Variants in ABTB3 observed in about 807,000 individuals in gnomAD.
ABTB3 encodes the protein ankyrin repeat- and BTB/POZ domain-containing protein 3.
chr12:107,451,563 T>C, the ABTB3 span, among the ~76,000 whole-genome samples: 1 of 152,216 alleles, frequency 6.6e-6, no homozygotes, highest in Non-Finnish European at 1.5e-5. Flanking sequence ...GGTTTCCCAC[T>C]GACCTCGCGG....
chr12:107,580,213 C>T, the ABTB3 span, among the ~76,000 whole-genome samples: 9 of 152,172 alleles, frequency 5.9e-5, no homozygotes, highest in Non-Finnish European at 1.3e-4. Context: ...TTGAAAACTG[C>T]CTGTATCCAG....
At chr12:107,479,758 A>G in the ABTB3 span, among the ~76,000 whole-genome samples, 3 of 152,238 alleles carry the variant, frequency 2.0e-5, no homozygotes, top group Admixed American at 2.0e-4. Flanking sequence ...TGTGAAAAGC[A>G]CTTGACATTA....
chr12:107,388,518 CCTT>C, the ABTB3 span, among the ~76,000 whole-genome samples: 1 of 150,984 alleles, frequency 6.6e-6, no homozygotes, highest in African/African-American at 2.4e-5. Flanking sequence ...TCTTCCTCCT[CCTT>C]CTTTCCTTCC....
chr12:107,421,110 T>C, the ABTB3 span, among the ~76,000 whole-genome samples: 1 of 152,302 alleles, frequency 6.6e-6, no homozygotes, highest in African/African-American at 2.4e-5. Flanking sequence ...GCTGAGTCTA[T>C]CGAGAAAAAT....
chr12:107,390,902 G>A, the ABTB3 span, among the ~76,000 whole-genome samples: 3 of 152,174 alleles, frequency 2.0e-5, no homozygotes, highest in Non-Finnish European at 2.9e-5. Flanking sequence ...TGTAATCTCA[G>A]CACTTTGGGA....
the ABTB3 span, among the ~76,000 whole-genome samples, chr12:107,633,224 C>G: frequency 6.6e-6 from 1 of 152,114 alleles, no homozygotes; most frequent in South Asian, 2.1e-4. Flanking sequence ...CCCAGAGGAG[C>G]CTCAGCACCC....
At chr12:107,558,170 G>T in the ABTB3 span, among the ~76,000 whole-genome samples, 1 of 152,226 alleles carries the variant, frequency 6.6e-6, no homozygotes. Context: ...CAGAGATAGT[G>T]GGGGACGCAT....
At chr12:107,590,592 C>T in the ABTB3 span, among the ~76,000 whole-genome samples, 1 of 152,226 alleles carries the variant, frequency 6.6e-6, no homozygotes, top group South Asian at 2.1e-4. Context: ...TTCCAACAGG[C>T]TGGTGTGGGT....
chr12:107,536,634 C>G, the ABTB3 span, among the ~76,000 whole-genome samples: 1 of 152,202 alleles, frequency 6.6e-6, no homozygotes, highest in African/African-American at 2.4e-5. Context: ...TTTTTAAGTG[C>G]TTAACATCAG....
At chr12:107,587,802 G>A in the ABTB3 span, among the ~76,000 whole-genome samples, 1 of 152,194 alleles carries the variant, frequency 6.6e-6, no homozygotes, top group Non-Finnish European at 1.5e-5. Context: ...TGGAAGGATA[G>A]ATAAGAAATG....
chr12:107,389,832 G>A, the ABTB3 span, among the ~76,000 whole-genome samples: 11 of 121,688 alleles, frequency 9.0e-5, no homozygotes, highest in East Asian at 1.2e-3. Context: ...GGATGCTGGG[G>A]CATGTGTGTG....
chr12:107,375,973 A>G, the ABTB3 span, among the ~76,000 whole-genome samples: 1 of 151,722 alleles, frequency 6.6e-6, no homozygotes, highest in Admixed American at 6.6e-5. Context: ...GCCATCTCTT[A>G]TTTGTCACTC....
the ABTB3 span, among the ~76,000 whole-genome samples, chr12:107,640,613 CA>C: frequency 3.3e-4 from 51 of 152,290 alleles, no homozygotes; most frequent in East Asian, 6.2e-3. Flanking sequence ...ATAAAGGGGC[CA>C]GGGGGGCCGA....
the ABTB3 span, among the ~76,000 whole-genome samples, chr12:107,612,117 G>A: frequency 6.6e-6 from 1 of 152,168 alleles, no homozygotes; most frequent in Non-Finnish European, 1.5e-5. Context: ...CTCTAATTTG[G>A]ATGTTTTCCC....
the ABTB3 span, among the ~76,000 whole-genome samples, chr12:107,352,343 G>A: frequency 1.5e-4 from 23 of 152,306 alleles, no homozygotes; most frequent in Admixed American, 3.9e-4. Flanking sequence ...GGAATTGAGC[G>A]CTGTGCCAAC....
the ABTB3 span, among the ~76,000 whole-genome samples, chr12:107,522,885 G>T: frequency 4.6e-5 from 7 of 152,020 alleles, no homozygotes; most frequent in African/African-American, 1.7e-4. Context: ...CAAGGTTGGG[G>T]TGTCCCAAGT....
At chr12:107,561,088 C>T in the ABTB3 span, among the ~76,000 whole-genome samples, 780 of 152,280 alleles carry the variant, frequency 5.1e-3, 4 homozygotes, top group Non-Finnish European at 8.4e-3. Flanking sequence ...GGCTTCCATT[C>T]TCTTCTCACT....
chr12:107,431,387 G>C, the ABTB3 span, among the ~76,000 whole-genome samples: 1 of 152,172 alleles, frequency 6.6e-6, no homozygotes, highest in Admixed American at 6.5e-5. Flanking sequence ...AAGGCAGGCA[G>C]ATCATGAGGT....
At chr12:107,348,611 G>A in the ABTB3 span, among the ~76,000 whole-genome samples, 27 of 152,172 alleles carry the variant, frequency 1.8e-4, no homozygotes, top group African/African-American at 6.3e-4. Context: ...TGTAGTCCCA[G>A]CTACTCGAGA....
Sources: gnomAD v4.1 joint callset for allele counts (sites outside exome capture counted in the v4.1 genomes callset) on GRCh38, gnomAD v4.1.1 for gene constraint, MANE v1.5 for transcripts, NCBI Gene and HGNC (gene_info 2026-07-23, HGNC 2026-07-21) for gene names.